Variants in PLEKHA5 observed in about 807,000 individuals in gnomAD.
PLEKHA5 encodes the protein pleckstrin homology domain-containing family A member 5.
Under a neutral mutation model 181.9 loss-of-function variants are expected in PLEKHA5, and 55 were observed. That is an observed-to-expected ratio of 0.30 (90% CI 0.24 to 0.38). The LOEUF (loss-of-function observed/expected upper bound fraction) is 0.38. PLEKHA5 is among the 10% of genes least tolerant of loss of function. The pLI is 1.00. For missense variants in PLEKHA5, 1,432 were observed against 1,549.5 expected (o/e 0.92, Z 1.27); for synonymous variants, 535 against 529.4 (o/e 1.01, Z -0.15).
Position 19,339,274 on chromosome 12 carries a change from C to T in PLEKHA5, c.2550+2658C>T, listed in dbSNP as rs143633231. 4.7e-3 allele frequency among the ~76,000 whole-genome samples: 713 copies of T among 152,190 alleles called. 3 individuals are homozygous for T. Among genetic ancestry groups the T allele is most frequent in the Admixed American group, 8.4e-3 (128 of 15,264 alleles). ...CAGGCTGGTCTTGAACACCTGACCT[C>T]AGGTGATCTGCCCGCCTTGGCCTCC... On this transcript the variant is annotated intron_variant, in intron 21 of 31. Transcript: ENST00000429027.
intron 3 of PLEKHA5, among the ~76,000 whole-genome samples, chr12:19,179,421 C>A (rs971510357): frequency 1.8e-4 from 28 of 152,268 alleles, no homozygotes; most frequent in Admixed American, 5.9e-4. Context: ...CTTTGGGAGG[C>A]TGAGGCAGGC....
intron 3 of PLEKHA5, among the ~76,000 whole-genome samples, chr12:19,212,917 A>G (rs1379471868): frequency 6.6e-6 from 1 of 151,788 alleles, no homozygotes; most frequent in African/African-American, 2.4e-5. Context: ...ATGTAACTCC[A>G]AAATTCTTAA....
intron 3 of PLEKHA5, among the ~76,000 whole-genome samples, chr12:19,230,561 G>T (rs1416076246): frequency 3.3e-5 from 5 of 152,204 alleles, no homozygotes; most frequent in Non-Finnish European, 7.4e-5. Context: ...GGCTGGCAGT[G>T]CTGGGGCACC....
chr12:19,289,316 T>C (rs2077894366), intron 13 of PLEKHA5, among the ~76,000 whole-genome samples: 1 of 152,252 alleles, frequency 6.6e-6, no homozygotes, highest in Non-Finnish European at 1.5e-5. Flanking sequence ...GGCAATAATT[T>C]TTAATATGAT....
intron 3 of PLEKHA5, among the ~76,000 whole-genome samples, chr12:19,181,901 C>A (rs866026591): frequency 1.3e-5 from 2 of 152,294 alleles, no homozygotes; most frequent in Middle Eastern, 3.4e-3. Context: ...CGACTACATT[C>A]ATTAGCTTCA....
At chr12:19,369,587 T>C (rs1015786696) in intron 30 of PLEKHA5, 106 bp from the exon 31 acceptor site, 4 of 622,934 alleles carry the variant, frequency 6.4e-6, no homozygotes, top group African/African-American at 5.5e-5. Flanking sequence ...TATTACTTCC[T>C]TCTCAAAACA....
chr12:19,240,440 G>GTT (rs199524525), intron 3 of PLEKHA5, among the ~76,000 whole-genome samples: 10,341 of 128,952 alleles, frequency 0.08, 554 homozygotes, highest in African/African-American at 0.16. Context: ...TCATTAGGGA[G>GTT]TTTTTTTTTT....
chr12:19,222,111 A>G (rs1565483878), intron 3 of PLEKHA5, among the ~76,000 whole-genome samples: 2 of 152,120 alleles, frequency 1.3e-5, no homozygotes, highest in African/African-American at 4.8e-5. Flanking sequence ...TAAAATATAT[A>G]TGTGTGTGTA....
intron 6 of PLEKHA5, among the ~76,000 whole-genome samples, chr12:19,259,653 A>C (rs2067846429): frequency 6.6e-6 from 1 of 151,934 alleles, no homozygotes; most frequent in South Asian, 2.1e-4. Flanking sequence ...CGGGAGGCTG[A>C]GACACGAGAA....
intron 20 of PLEKHA5, among the ~76,000 whole-genome samples, chr12:19,334,839 T>A (rs371325931): frequency 0.3 from 6,048 of 20,220 alleles, 1,264 homozygotes; most frequent in South Asian, 0.46. Flanking sequence ...AATATATATA[T>A]ATATATATAT....
At chr12:19,308,243 A>G (rs1252545326) in intron 15 of PLEKHA5, among the ~76,000 whole-genome samples, 1 of 152,142 alleles carries the variant, frequency 6.6e-6, no homozygotes, top group Non-Finnish European at 1.5e-5. Context: ...GAGTGACTGA[A>G]TATTGCCTCT....
intron 3 of PLEKHA5, among the ~76,000 whole-genome samples, chr12:19,188,301 C>A (rs778706175): frequency 1.3e-5 from 2 of 152,160 alleles, no homozygotes; most frequent in Non-Finnish European, 1.5e-5. Flanking sequence ...CTCTCTGCTC[C>A]TACCTTCCCC....
At chr12:19,364,451 CAGTG>C (rs2095358830) in intron 29 of PLEKHA5, among the ~76,000 whole-genome samples, 1 of 151,700 alleles carries the variant, frequency 6.6e-6, no homozygotes, top group African/African-American at 2.4e-5. Context: ...GCGGAGGTCT[CAGTG>C]AGCCGAGATC....
Position 19,361,708 on chromosome 12 carries a change from T to TAATA in PLEKHA5, c.3608+3_3608+6dup. Reference sequence around the variant, plus strand: ...AATGCCTGAGGATGTTACATTCAGGTAATATTTAAGAAAAGCAAAGGAATC... The same window carrying TAATA: ...AATGCCTGAGGATGTTACATTCAGGTAATAAATATTTAAGAAAAGCAAAGGAATC... On this transcript the variant is annotated splice_region_variant and intron_variant, in intron 29 of 31. Transcript: ENST00000429027. 6.3e-7 allele frequency: 1 copy of TAATA among 1,589,566 alleles called. No individual in the cohort carries two copies. Among genetic ancestry groups the TAATA allele is most frequent in the Non-Finnish European group, 8.6e-7 (1 of 1,168,792 alleles).
intron 11 of PLEKHA5, 121 bp from the exon 12 acceptor site, chr12:19,283,149 CAAAAAAAAAA>C (rs34391812): frequency 1.0e-4 from 21 of 204,092 alleles, no homozygotes; most frequent in East Asian, 5.7e-4. Context: ...TCTTGTCTCC[CAAAAAAAAAA>C]AAAAAAAAAA....
At chr12:19,150,866 T>C (rs1007675246) in intron 3 of PLEKHA5, 1 of 152,162 alleles carries the variant, frequency 6.6e-6, no homozygotes, top group Non-Finnish European at 1.5e-5. Flanking sequence ...TATGATAGAT[T>C]TGTTGAAATG....
At chr12:19,161,320 T>C (rs2042916703) in intron 3 of PLEKHA5, among the ~76,000 whole-genome samples, 1 of 152,160 alleles carries the variant, frequency 6.6e-6, no homozygotes, top group Non-Finnish European at 1.5e-5. Context: ...CTTATTTGAG[T>C]TAATCATTGG....
chr12:19,322,390 A>C lies in PLEKHA5; in HGVS notation c.2298A>C (p.Lys766Asn). The C allele has an allele frequency of 6.2e-7, 1 of 1,605,126 alleles. No individual in the cohort carries two copies. Among genetic ancestry groups the C allele is most frequent in the Non-Finnish European group, 8.5e-7 (1 of 1,171,898 alleles). ...AACTTCAGCAACTCCACAAGGAGAA[A>C]GTAGGACAATTATGTTTATTGTCTA... Reference protein sequence around the residue: ...EEKLQQLHKEKYTLEQALLSA... With the variant: ...EEKLQQLHKENYTLEQALLSA... The change falls in exon 19 of 32, where the codon AAA becomes AAC. Residue 766 changes from lysine to asparagine, a missense_variant and splice_region_variant. Coordinates refer to ENST00000429027, the MANE Select transcript of PLEKHA5 (RefSeq NM_001256470.2).
intron 2 of PLEKHA5, among the ~76,000 whole-genome samples, chr12:19,131,056 A>G (rs1471837749): frequency 6.6e-6 from 1 of 152,170 alleles, no homozygotes; most frequent in African/African-American, 2.4e-5. Flanking sequence ...GGTTTCTTTT[A>G]TCATTCTTTG....
Sources: allele counts gnomAD v4.1 joint callset (sites outside exome capture counted in the v4.1 genomes callset), GRCh38; gene constraint gnomAD v4.1.1; transcripts MANE v1.5; gene names NCBI Gene and HGNC (gene_info 2026-07-23, HGNC 2026-07-21).